Variants in RBFOX1 observed in about 807,000 individuals in gnomAD.
RBFOX1 encodes RNA binding fox-1 homolog 1.
RBFOX1 carries 8 observed loss-of-function variants against 57.7 expected under a neutral mutation model. The ratio of observed to expected loss-of-function variants is 0.14; its 90% CI spans 0.08 to 0.25. The LOEUF (loss-of-function observed/expected upper bound fraction) is 0.25. Among genes scored for constraint, RBFOX1 ranks in the 10% least tolerant of loss-of-function variants. The pLI, the probability that RBFOX1 is intolerant of heterozygous loss-of-function variation, is 1.00. For missense variants in RBFOX1, 611 were observed against 548.5 expected (o/e 1.11, Z -1.14); for synonymous variants, 326 against 222.4 (o/e 1.47, Z -4.15).
chr16:5,892,290 T>C (rs1363315369), intron 4 of RBFOX1, among the ~76,000 whole-genome samples: 6 of 152,270 alleles, frequency 3.9e-5, no homozygotes, highest in South Asian at 2.1e-4. Context: ...ATCTTGGTGA[T>C]TGAGCATGCT....
intron 4 of RBFOX1, among the ~76,000 whole-genome samples, chr16:7,164,962 T>C (rs1601591609): frequency 6.6e-6 from 1 of 152,194 alleles, no homozygotes; most frequent in Non-Finnish European, 1.5e-5. Context: ...TGGCAGCGTG[T>C]ATCACAGTAA....
chr16:5,421,935 A>G (rs1294393595), intron 1 of RBFOX1, among the ~76,000 whole-genome samples: 2 of 152,188 alleles, frequency 1.3e-5, no homozygotes, highest in Admixed American at 1.3e-4. Context: ...GTGAGTGTCA[A>G]GAATACGAAA....
chr16:7,158,116 AGGT>A (rs1439338546), intron 4 of RBFOX1, among the ~76,000 whole-genome samples: 2 of 152,114 alleles, frequency 1.3e-5, no homozygotes, highest in African/African-American at 4.8e-5. Context: ...TGGGAGGACA[AGGT>A]GGGCGGATCA....
intron 4 of RBFOX1, among the ~76,000 whole-genome samples, chr16:7,307,496 G>T (rs746854970): frequency 6.6e-6 from 1 of 152,286 alleles, no homozygotes; most frequent in East Asian, 1.9e-4. Context: ...CAACTTTGAT[G>T]TTTACATTAT....
intron 4 of RBFOX1, among the ~76,000 whole-genome samples, chr16:7,316,714 A>G (rs754342303): frequency 2.0e-5 from 3 of 152,142 alleles, no homozygotes; most frequent in Non-Finnish European, 2.9e-5. Context: ...AAGAAGTGAC[A>G]TCAAAGCTGA....
intron 4 of RBFOX1, among the ~76,000 whole-genome samples, chr16:7,271,735 C>CTGCTTTA (rs1458987175): frequency 3.3e-5 from 5 of 152,084 alleles, no homozygotes; most frequent in Non-Finnish European, 4.4e-5. Flanking sequence ...AAAGTCGGTC[C>CTGCTTTA]TGCTTCTAGA....
Position 7,487,994 on chromosome 16 carries a change from G to T in RBFOX1, c.28-30153G>T, listed in dbSNP as rs192624751. Among the ~76,000 whole-genome samples the T allele has an allele frequency of 1.2e-4, 19 of 152,226 alleles. No individual in the cohort carries two copies. In the East Asian group the frequency reaches 2.7e-3, roughly 22 times the overall value. ...CCTCTTTTCTAATTAACTCTGGAGCGTAGATTACAAGAGGCCGGCCTTGTG... is the reference window on the plus strand; with the variant it reads ...CCTCTTTTCTAATTAACTCTGGAGCTTAGATTACAAGAGGCCGGCCTTGTG... On this transcript the variant is annotated intron_variant, in intron 4 of 15. Coordinates refer to ENST00000550418, the MANE Select transcript of RBFOX1 (RefSeq NM_018723.4).
chr16:6,277,740 C>T (rs1412419445), intron 1 of RBFOX1, among the ~76,000 whole-genome samples: 4 of 151,186 alleles, frequency 2.6e-5, no homozygotes, highest in South Asian at 2.1e-4. Flanking sequence ...CTGTATATAA[C>T]TGCTGGTTTC....
chr16:5,965,147 G>A (rs1285506889), intron 4 of RBFOX1, among the ~76,000 whole-genome samples: 1 of 152,104 alleles, frequency 6.6e-6, no homozygotes, highest in Non-Finnish European at 1.5e-5. Context: ...GGGAAAAATA[G>A]GAAGATGCTA....
chr16:7,296,247 G>T (rs1462416021), intron 4 of RBFOX1, among the ~76,000 whole-genome samples: 1 of 142,614 alleles, frequency 7.0e-6, no homozygotes, highest in Non-Finnish European at 1.5e-5. Flanking sequence ...TTTATTTTCA[G>T]ATTATGTCCT....
chr16:6,394,783 A>G (rs2152939959), intron 2 of RBFOX1, among the ~76,000 whole-genome samples: 1 of 152,272 alleles, frequency 6.6e-6, no homozygotes, highest in East Asian at 1.9e-4. Context: ...CAGCTCAGCC[A>G]CGATCCCCAA....
intron 1 of RBFOX1, among the ~76,000 whole-genome samples, chr16:5,316,227 T>G (rs2064234604): frequency 6.6e-6 from 1 of 152,230 alleles, no homozygotes; most frequent in Non-Finnish European, 1.5e-5. Context: ...CTCAGATGCT[T>G]TTTGTGACTC....
chr16:5,270,085 A>G, intron 1 of RBFOX1: 1 of 222,364 alleles, frequency 4.5e-6, no homozygotes, highest in East Asian at 1.2e-4. Flanking sequence ...ACTTGATATC[A>G]GGAGTTCAAG....
chr16:7,079,030 A>G (rs960560213), intron 4 of RBFOX1, among the ~76,000 whole-genome samples: 11 of 151,594 alleles, frequency 7.3e-5, no homozygotes, highest in Admixed American at 1.3e-4. Context: ...GTTTCAAAAT[A>G]TCTTTTTTGG....
rs1014094962 is a variant in RBFOX1 at position 5,585,247 on chromosome 16, C to G, written c.259-13655C>G. 3.3e-5 allele frequency among the ~76,000 whole-genome samples: 5 copies of G among 152,154 alleles called. No homozygotes were observed. In the East Asian group the frequency reaches 9.6e-4, roughly 29 times the overall value. On this transcript the variant is annotated intron_variant, in intron 2 of 2. Transcript: ENST00000585867. Reference sequence around the variant, plus strand: ...ATTGCGTTTTCTGGATATTTCACATCAGTAAAATTATGCAATGTATGGTAT... The same window carrying G: ...ATTGCGTTTTCTGGATATTTCACATGAGTAAAATTATGCAATGTATGGTAT...
chr16:5,575,451 T>A (rs2046420172), intron 2 of RBFOX1, among the ~76,000 whole-genome samples: 1 of 152,222 alleles, frequency 6.6e-6, no homozygotes, highest in South Asian at 2.1e-4. Context: ...TGTCATTTTA[T>A]GGATGATACA....
At chr16:7,468,292 A>C (rs556715444) in intron 4 of RBFOX1, among the ~76,000 whole-genome samples, 1 of 152,248 alleles carries the variant, frequency 6.6e-6, no homozygotes, top group Admixed American at 6.5e-5. Context: ...CTGGCACCTT[A>C]TCAAAAAATA....
At chr16:5,942,059 C>T (rs1220440955) in intron 4 of RBFOX1, among the ~76,000 whole-genome samples, 1 of 152,112 alleles carries the variant, frequency 6.6e-6, no homozygotes. Context: ...TTGGCTTATT[C>T]AATTATCCTA....
chr16:7,700,859 G>A (rs1379713609), intron 14 of RBFOX1, among the ~76,000 whole-genome samples: 1 of 152,120 alleles, frequency 6.6e-6, no homozygotes, highest in Admixed American at 6.5e-5. Context: ...GAATGGCATT[G>A]GTGGGCTAGA....
Sources: allele counts gnomAD v4.1 joint callset (sites outside exome capture counted in the v4.1 genomes callset), GRCh38; gene constraint gnomAD v4.1.1; transcripts MANE v1.5; gene names NCBI Gene and HGNC (gene_info 2026-07-23, HGNC 2026-07-21).